Variants in TLCD4 observed in about 807,000 individuals in gnomAD.
TLCD4 encodes the protein TLC domain containing 4.
TLCD4 carries 7 observed loss-of-function variants against 24.2 expected under a neutral mutation model. That is an observed-to-expected ratio of 0.29 (90% CI 0.16 to 0.54). TLCD4 has a LOEUF of 0.54. Among genes scored for constraint, TLCD4 ranks in the 20% least tolerant of loss-of-function variants. The pLI is 0.95. For missense variants in TLCD4, 259 were observed against 313.9 expected (o/e 0.82, Z 1.32); for synonymous variants, 103 against 106.4 (o/e 0.97, Z 0.20).
chr1:95,185,842 C>T (rs1041166113), intron 6 of TLCD4, among the ~76,000 whole-genome samples: 1 of 152,210 alleles, frequency 6.6e-6, no homozygotes, highest in Non-Finnish European at 1.5e-5. Context: ...CAATTTTCAA[C>T]TGTGTGGGGA....
At chr1:95,171,171 C>T (rs1253236328) in intron 5 of TLCD4, among the ~76,000 whole-genome samples, 5 of 152,166 alleles carry the variant, frequency 3.3e-5, no homozygotes, top group East Asian at 3.9e-4. Flanking sequence ...AAGCTGGTCT[C>T]GAACCTCTAG....
Position 95,127,554 on chromosome 1 carries a change from G to A in TLCD4, c.-12+9937G>A, listed in dbSNP as rs573873960. On this transcript the variant is annotated intron_variant, in intron 1 of 6. Coordinates refer to ENST00000370203, the MANE Select transcript of TLCD4 (RefSeq NM_152487.3). ...GGCAAAAAGCCATGAGATGTTCCAA[G>A]CCAAGAGCTCCTTTTGTGATCCCTC... is the stretch of plus-strand genomic sequence containing the variant. Among the ~76,000 whole-genome samples the A allele has an allele frequency of 1.8e-4, 28 of 152,356 alleles. No individual in the cohort carries two copies. The South Asian group carries it at 4.6e-3, about 25-fold the overall frequency.
intron 2 of TLCD4, 132 bp from the exon 3 acceptor site, chr1:95,148,570 C>T: frequency 8.3e-7 from 1 of 1,202,734 alleles, no homozygotes; most frequent in Non-Finnish European, 1.1e-6. Context: ...TTGCATTATA[C>T]TCTCCGTTAT....
At position 95,196,722 on chromosome 1, in the gene TLCD4, C is replaced by T. The variant is rs1406107715; in HGVS notation, c.*4854C>T. 1.3e-5 allele frequency: 2 copies of T among 152,150 alleles called. No homozygotes were observed. The allele number at this position is 152,150 out of a possible 1,614,324, so 9.4% of individuals were successfully genotyped here. A position where few individuals can be genotyped will look rare whatever the true frequency, so the allele number is the denominator to read the frequency against. On this transcript the variant is annotated 3_prime_UTR_variant, in exon 7 of 7. Transcript: ENST00000370203. ...TACCTCTGGCTGAAAACTCGTTAAA[C>T]ATCTTTGGATATTTTTTCTTTATAT...
rs564655639 is a variant in TLCD4 at position 95,182,981 on chromosome 1, TAG to T, written c.474-8566_474-8565del. Among the ~76,000 whole-genome samples, 90 of 152,230 alleles carry T rather than the reference TAG, an allele frequency of 5.9e-4. 1 individual carries two copies. Among genetic ancestry groups the T allele is most frequent in the African/African-American group, 2.1e-3 (87 of 41,544 alleles). On this transcript the variant is annotated intron_variant, in intron 6 of 6. Coordinates refer to ENST00000370203, the MANE Select transcript of TLCD4 (RefSeq NM_152487.3). ...GTCTTAGGGGTAGGGTGGATAGATG[TAG>T]AGGATGTTGAGTGTCTGGGAGAGCT...
At chr1:95,161,112 G>T (rs752362265) in intron 5 of TLCD4, among the ~76,000 whole-genome samples, 11 of 152,120 alleles carry the variant, frequency 7.2e-5, no homozygotes, top group Admixed American at 3.3e-4. Context: ...GGTAGAATTC[G>T]GCTGTGGATC....
In TLCD4 at chr1:95,148,740, T is replaced by G; in HGVS notation, c.194T>G (p.Phe65Cys). ...TGCCATTCTTTGGTGGTTGGTATTT[T>G]TGGCCTGTACATTTTCTTATTCGAT... The part of the protein sequence containing the change: ...STCHSLVVGI[F>C]GLYIFLFDEA... Residue 65 changes from phenylalanine to cysteine, a missense_variant, in exon 3 of 7, where the codon TTT becomes TGT. Physicochemically the swap from Phe to Cys is radical, Grantham distance 205. Coordinates refer to ENST00000370203, the MANE Select transcript of TLCD4 (RefSeq NM_152487.3). 6.2e-7 allele frequency: 1 copy of G among 1,613,810 alleles called. No individual in the cohort carries two copies. Among genetic ancestry groups the G allele is most frequent in the South Asian group, 1.1e-5 (1 of 91,068 alleles).
chr1:95,115,177 G>A (rs1331026767), upstream of TLCD4, among the ~76,000 whole-genome samples: 6 of 150,680 alleles, frequency 4.0e-5, no homozygotes, highest in East Asian at 1.9e-4. Context: ...GTGTGAGCTC[G>A]GCTCACACAA....
At chr1:95,117,842 C>T (rs1368570018) in intron 1 of TLCD4, 4 of 151,250 alleles carry the variant, frequency 2.6e-5, no homozygotes, top group Non-Finnish European at 4.4e-5. Context: ...GTGCGGAAGG[C>T]TCAGCATCGT....
intron 6 of TLCD4, among the ~76,000 whole-genome samples, chr1:95,176,198 CTTT>C (rs71097253): frequency 2.1e-5 from 3 of 142,066 alleles, no homozygotes; most frequent in Non-Finnish European, 1.5e-5. Flanking sequence ...CAATTTTTTC[CTTT>C]TTTTTTTTTT....
chr1:95,093,291 G>A, the TLCD4 span, among the ~76,000 whole-genome samples: 3 of 152,078 alleles, frequency 2.0e-5, no homozygotes, highest in East Asian at 1.9e-4. Context: ...GAAAACAAAC[G>A]AACAAGCAAT....
At chr1:95,190,985 TTAAC>T (rs1351752144) in intron 6 of TLCD4, among the ~76,000 whole-genome samples, 1 of 152,218 alleles carries the variant, frequency 6.6e-6, no homozygotes, top group Non-Finnish European at 1.5e-5. Context: ...GAAGTCCAAC[TTAAC>T]TAACTTTTTC....
intron 5 of TLCD4, among the ~76,000 whole-genome samples, chr1:95,160,629 C>T (rs12120846): frequency 0.44 from 67,451 of 152,042 alleles, 16,430 homozygotes; most frequent in Middle Eastern, 0.58. Context: ...TTCGGTATGA[C>T]ATTGGCTGTG....
At chr1:95,138,662 A>T (rs1160456149) in intron 1 of TLCD4, 1 of 152,094 alleles carries the variant, frequency 6.6e-6, no homozygotes, top group Non-Finnish European at 1.5e-5. Context: ...GTGTAGGCAG[A>T]TGCTACACAA....
At chr1:95,184,393 T>A (rs1678760218) in intron 6 of TLCD4, among the ~76,000 whole-genome samples, 1 of 152,184 alleles carries the variant, frequency 6.6e-6, no homozygotes. Flanking sequence ...TCCATCCTCT[T>A]TCCAAATGTA....
chr1:95,158,188 CTTT>C (rs5776255), intron 5 of TLCD4, among the ~76,000 whole-genome samples: 152 of 128,774 alleles, frequency 1.2e-3, no homozygotes, highest in Non-Finnish European at 1.6e-3. Context: ...TTAATTTTTT[CTTT>C]TTTTTTTTTT....
Position 95,197,101 on chromosome 1 carries a change from AG to A in TLCD4, c.*5234del, listed in dbSNP as rs2101037912. On this transcript the variant is annotated 3_prime_UTR_variant, in exon 7 of 7. Coordinates refer to ENST00000370203, the MANE Select transcript of TLCD4 (RefSeq NM_152487.3). ...AGAATGTATAATATATAATTGTCAA[AG>A]ATTTTTGGAAGTCTTTCAAAATATA... 6.6e-6 allele frequency: 1 copy of A among 152,266 alleles called. No homozygotes were observed. Among genetic ancestry groups the A allele is most frequent in the South Asian group, 2.1e-4 (1 of 4,826 alleles). 9.4% of individuals were successfully genotyped at this position (152,266 alleles called of 1,614,324 possible).
intron 1 of TLCD4, among the ~76,000 whole-genome samples, chr1:95,127,190 G>C (rs1039557487): frequency 1.3e-5 from 2 of 152,174 alleles, no homozygotes; most frequent in African/African-American, 4.8e-5. Context: ...CCAGCTGAGC[G>C]GCATTCATCT....
intron 6 of TLCD4, among the ~76,000 whole-genome samples, chr1:95,187,135 T>C (rs1472816150): frequency 1.3e-5 from 2 of 152,172 alleles, no homozygotes; most frequent in East Asian, 3.8e-4. Flanking sequence ...TTTAGAATAG[T>C]TTTACATTTA....
Sources: allele counts gnomAD v4.1 joint callset (sites outside exome capture counted in the v4.1 genomes callset), GRCh38; gene constraint gnomAD v4.1.1; transcripts MANE v1.5; gene names NCBI Gene and HGNC (gene_info 2026-07-23, HGNC 2026-07-21).